The following A2ML1 variants were observed in gnomAD, a reference collection of about 807,000 sequenced individuals.
A2ML1 encodes alpha-2-macroglobulin-like protein 1.
A neutral mutation model predicts 181.9 loss-of-function variants in A2ML1; 161 were observed. The observed-to-expected ratio is 0.89, with a 90% CI of 0.78 to 1.01. The LOEUF (loss-of-function observed/expected upper bound fraction) is 1.01. A2ML1 is among the 50% of genes least tolerant of loss of function. A2ML1 has a pLI of 0.00. For synonymous variants in A2ML1, 663 were observed against 666.8 expected, an observed-to-expected ratio of 0.99 and a Z score of 0.09; for missense variants, 1,670 against 1,768.1, an observed-to-expected ratio of 0.94 and a Z score of 1.00.
intron 4 of A2ML1, among the ~76,000 whole-genome samples, chr12:8,833,907 T>G (rs752272661): frequency 6.6e-6 from 1 of 152,324 alleles, no homozygotes; most frequent in East Asian, 1.9e-4. Flanking sequence ...GTTCAGCTTC[T>G]TCACTGGTTG....
At chr12:8,877,727 C>G (rs1374445215), downstream of A2ML1, among the ~76,000 whole-genome samples, 1 of 152,134 alleles carries the variant, frequency 6.6e-6, no homozygotes, top group East Asian at 1.9e-4. Context: ...TGCTAACACA[C>G]TGTTGGTGGG....
intron 10 of A2ML1, among the ~76,000 whole-genome samples, chr12:8,840,894 G>A (rs1365188628): frequency 6.7e-6 from 1 of 148,924 alleles, no homozygotes; most frequent in Non-Finnish European, 1.5e-5. Flanking sequence ...GCGACAGACT[G>A]AGACTCCATC....
At chr12:8,824,659 C>T (rs1790457599) in intron 3 of A2ML1, among the ~76,000 whole-genome samples, 1 of 152,078 alleles carries the variant, frequency 6.6e-6, no homozygotes, top group Non-Finnish European at 1.5e-5. Flanking sequence ...TCATCCTGCC[C>T]ACCATTACCC....
In A2ML1 at chr12:8,850,336, A is replaced by G. The variant is rs6487407; in HGVS notation, c.2234+62A>G. 218,006 of 1,326,482 alleles carry G rather than the reference A, an allele frequency of 0.16. 21,121 individuals carry two copies. Among genetic ancestry groups the G allele is most frequent in the African/African-American group, 0.35 (23,460 of 66,920 alleles). The allele number at this position is 1,326,482 out of a possible 1,614,324, so 82.2% of individuals were successfully genotyped here. On this transcript the variant is annotated intron_variant, in intron 18 of 35. Transcript: ENST00000299698. ...TGCATGGCTCACGCCTGTAATCCCA[A>G]CACTTTGGGAGGCTTAGGAGGGAGG...
chr12:8,842,545 C>A (rs143955647), intron 11 of A2ML1, among the ~76,000 whole-genome samples: 167 of 152,184 alleles, frequency 1.1e-3, no homozygotes, highest in Non-Finnish European at 1.9e-3. Flanking sequence ...ACACCCCTTT[C>A]CCAACAAATC....
chr12:8,843,149 G>T lies in A2ML1; in HGVS notation c.1264G>T (p.Glu422Ter). 1 of 1,614,004 alleles carries T rather than the reference G, an allele frequency of 6.2e-7. No individual in the cohort carries two copies. The highest frequency in any genetic ancestry group is 1.1e-5 in the South Asian group (1 of 91,042). ...TTATTCTCAGGGAAAGTTTCAAATG[G>T]AAGACTTAGTATATAATCCGGAACA... Reference protein sequence around the residue: ...DVSLEGKFQMEDLVYNPEQVP... With the variant: ...DVSLEGKFQM The change falls in exon 12 of 36, where the codon GAA (glutamate) becomes TAA (stop). Residue 422 changes from glutamate (E) to a stop codon, truncating the protein, a stop_gained. Coordinates refer to ENST00000299698, the MANE Select transcript of A2ML1 (RefSeq NM_144670.6). LOFTEE classifies it high-confidence loss of function.
chr12:8,836,772 C>T (rs1009514243), intron 7 of A2ML1, among the ~76,000 whole-genome samples: 3 of 152,144 alleles, frequency 2.0e-5, no homozygotes, highest in Non-Finnish European at 2.9e-5. Flanking sequence ...CGTGAGCCAC[C>T]GCGCCCAGCC....
Position 8,849,749 on chromosome 12 carries a change from T to C in A2ML1, c.2109T>C (p.Thr703=). 6.2e-7 allele frequency: 1 copy of C among 1,614,132 alleles called. No individual in the cohort carries two copies. Among genetic ancestry groups the C allele is most frequent in the Non-Finnish European group, 8.5e-7 (1 of 1,179,988 alleles). Residue 703 remains threonine, a synonymous_variant, in exon 17 of 36, where the codon ACT becomes ACC. Coordinates refer to ENST00000299698, the MANE Select transcript of A2ML1 (RefSeq NM_144670.6). ...GTCACAGATCTCCAGAATACAGCAC[T>C]GCTATGGGTGGTAAGCCACCTCTGT... ...DCSHRSPEYS[T]AMGAGGGHPE... is the part of the protein sequence containing the mutation.
In A2ML1 at chr12:8,835,515, T is replaced by C. The variant is rs200136680; in HGVS notation, c.492T>C (p.Asn164=). The C allele has an allele frequency of 2.5e-5, 41 of 1,614,018 alleles. No individual in the cohort carries two copies. Among genetic ancestry groups the C allele is most frequent in the Non-Finnish European group, 3.3e-5 (39 of 1,179,974 alleles). The part of the protein sequence containing the change: ...KYSMVELQDP[N]SNRIAQWLEV... ...GTTTCTCTATTGGACAGGATCCAAA[T>C]AGCAACAGGATTGCACAGTGGCTGG... The change falls in exon 6 of 36, where the codon AAT becomes AAC. Residue 164 remains asparagine, a synonymous_variant. Coordinates refer to ENST00000299698, the MANE Select transcript of A2ML1 (RefSeq NM_144670.6).
intron 20 of A2ML1, among the ~76,000 whole-genome samples, 197 bp from the exon 21 acceptor site, chr12:8,853,931 C>G (rs1165119737): frequency 6.6e-6 from 1 of 152,188 alleles, no homozygotes; most frequent in Non-Finnish European, 1.5e-5. Context: ...ACCTACCACA[C>G]TGGACTAGCC....
intron 7 of A2ML1, among the ~76,000 whole-genome samples, chr12:8,883,263 T>C (rs1290133167): frequency 6.6e-6 from 1 of 152,138 alleles, no homozygotes; most frequent in East Asian, 1.9e-4. Flanking sequence ...AGCTGGACCC[T>C]GTGCTGGGTG....
At position 8,861,283 on chromosome 12, in the gene A2ML1, A is replaced by T. The variant is rs1944253824; in HGVS notation, c.3488A>T (p.Gln1163Leu). The stretch of plus-strand genomic sequence containing the variant: ...ATTCTCCTTAAACAGTTAGATCAAC[A>T]GGCTATCATCTCAGGTATGTTGGTC... ...RNILLKQLDQ[Q>L]AIISGESIYW... Residue 1163 changes from glutamine (Q) to leucine (L), a missense_variant, in exon 28 of 36, where the codon CAG becomes CTG. Gln to Leu is a moderately radical substitution (Grantham distance 113). Transcript: ENST00000299698. The T allele has an allele frequency of 6.2e-7, 1 of 1,614,066 alleles. No homozygotes were observed. Among genetic ancestry groups the T allele is most frequent in the Non-Finnish European group, 8.5e-7 (1 of 1,180,014 alleles).
At chr12:8,868,734 C>CAT (rs1944518040) in intron 32 of A2ML1, 107 bp downstream of exon 32, 5 of 818,868 alleles carry the variant, frequency 6.1e-6, no homozygotes, top group Non-Finnish European at 9.8e-6. Context: ...CACACACACA[C>CAT]AAGGCATGTA....
chr12:8,862,542 A>G (rs1364305574), intron 28 of A2ML1, among the ~76,000 whole-genome samples: 1 of 152,232 alleles, frequency 6.6e-6, no homozygotes, highest in Admixed American at 6.5e-5. Flanking sequence ...TTGAAGTATG[A>G]CAGATCTTGT....
At chr12:8,825,317 A>G (rs1200973926) in intron 3 of A2ML1, among the ~76,000 whole-genome samples, 1 of 152,074 alleles carries the variant, frequency 6.6e-6, no homozygotes, top group Non-Finnish European at 1.5e-5. Context: ...ATCTCATTGT[A>G]GTTTTGATTT....
chr12:8,863,768 T>A (rs1377491237), intron 28 of A2ML1, 26 bp from the exon 29 acceptor site: 2 of 1,611,488 alleles, frequency 1.2e-6, no homozygotes, highest in Admixed American at 3.3e-5. Flanking sequence ...TCTAAGGACA[T>A]CCTAGTTATG....
intron 26 of A2ML1, among the ~76,000 whole-genome samples, chr12:8,859,445 T>C (rs1944181920): frequency 6.6e-6 from 1 of 152,142 alleles, no homozygotes; most frequent in Non-Finnish European, 1.5e-5. Context: ...CCCAGCATTC[T>C]GGGAGGCTGA....
At chr12:8,855,630 G>A (rs1410061922) in intron 23 of A2ML1, 38 bp downstream of exon 23, 2 of 1,602,764 alleles carry the variant, frequency 1.2e-6, no homozygotes, top group African/African-American at 2.7e-5. Flanking sequence ...AAAGGAAAAG[G>A]CGAATGGAGG....
At chr12:8,843,881 G>A (rs936006969) in intron 12 of A2ML1, among the ~76,000 whole-genome samples, 2 of 151,908 alleles carry the variant, frequency 1.3e-5, no homozygotes, top group Admixed American at 1.3e-4. Context: ...ACCACGCCCA[G>A]CTAATTTTTT....
Sources: allele counts gnomAD v4.1 joint callset (sites outside exome capture counted in the v4.1 genomes callset), GRCh38; gene constraint gnomAD v4.1.1; transcripts MANE v1.5; gene names NCBI Gene and HGNC (gene_info 2026-07-23, HGNC 2026-07-21).